The following MCTP1 variants were observed in gnomAD, a reference collection of about 807,000 sequenced individuals.
The protein encoded by MCTP1 is multiple C2 and transmembrane domain-containing protein 1.
Under a neutral mutation model 120.6 loss-of-function variants are expected in MCTP1, and 69 were observed. The ratio of observed to expected loss-of-function variants is 0.57; its 90% CI spans 0.47 to 0.70. MCTP1 has a LOEUF of 0.70. MCTP1 is among the 30% of genes least tolerant of loss of function. The pLI is 0.00. For missense variants in MCTP1, 1,203 were observed against 1,248.8 expected (o/e 0.96, Z 0.55); for synonymous variants, 529 against 493.1 (o/e 1.07, Z -0.96).
At chr5:94,714,669 C>A in intron 20 of MCTP1, 108 bp downstream of exon 20, 1 of 755,966 alleles carries the variant, frequency 1.3e-6, no homozygotes, top group Non-Finnish European at 2.4e-6. Context: ...AATAGAGCAC[C>A]CAGAAGGAGT....
intron 14 of MCTP1, 24 bp from the exon 15 acceptor site, chr5:94,870,997 C>CGTCT (rs769559112): frequency 6.3e-7 from 1 of 1,583,362 alleles, no homozygotes; most frequent in South Asian, 1.1e-5. Context: ...ACATGACAGC[C>CGTCT]GTCTGTCTCG....
At chr5:95,206,668 G>A (rs2152560920) in intron 1 of MCTP1, among the ~76,000 whole-genome samples, 1 of 152,214 alleles carries the variant, frequency 6.6e-6, no homozygotes, top group Non-Finnish European at 1.5e-5. Context: ...CTGAGTAGCT[G>A]GGACTTCAGG....
rs73133925 is a variant in MCTP1, at chr5:94,783,974, T to C, written c.2557-4811A>G. On this transcript the variant is annotated intron_variant, in intron 18 of 22. Transcript: ENST00000515393. ...GATGTTTTGCTATGTTCAAAATGAA[T>C]AGTTGCACAACTCAAATTGCTTTAC... 1.8e-3 allele frequency among the ~76,000 whole-genome samples: 273 copies of C among 152,212 alleles called. 1 individual carries two copies. Among genetic ancestry groups the C allele is most frequent in the African/African-American group, 6.4e-3 (264 of 41,570 alleles).
At chr5:94,912,655 TAC>T in intron 9 of MCTP1, 149 bp downstream of exon 9, 1 of 574,188 alleles carries the variant, frequency 1.7e-6, no homozygotes, top group South Asian at 3.9e-5. Context: ...AAAAATGCTA[TAC>T]AATTATTGGT....
chr5:94,752,111 ATATATATATATAT>A (rs1768548889), intron 19 of MCTP1, among the ~76,000 whole-genome samples: 2 of 27,780 alleles, frequency 7.2e-5, no homozygotes, highest in South Asian at 1.4e-3. Flanking sequence ...ATAATAAAAT[ATATATATATATAT>A]ATATATATAT....
At chr5:95,014,107 GA>G (rs1422482548) in intron 2 of MCTP1, among the ~76,000 whole-genome samples, 1 of 151,430 alleles carries the variant, frequency 6.6e-6, no homozygotes, top group Admixed American at 6.6e-5. Context: ...CCAAAAAAAA[GA>G]AAAAAAATAG....
At position 94,706,438 on chromosome 5, in the gene MCTP1, A is replaced by AGAATGATTT. The variant is rs1015511340; in HGVS notation, c.*1049_*1057dup. On this transcript the variant is annotated 3_prime_UTR_variant, in exon 23 of 23. Coordinates refer to ENST00000515393, the MANE Select transcript of MCTP1 (RefSeq NM_024717.7). Reference sequence around the variant, plus strand: ...CAAAACAGGTTTTCATGCATAATCAAGAATGATTTTTTTTAATAAATGAAT... The same window carrying AGAATGATTT: ...CAAAACAGGTTTTCATGCATAATCAAGAATGATTTGAATGATTTTTTTTAATAAATGAAT... The AGAATGATTT allele has an allele frequency of 4.2e-5, 6 of 143,772 alleles. No individual in the cohort carries two copies. Among genetic ancestry groups the AGAATGATTT allele is most frequent in the Non-Finnish European group, 4.6e-5 (3 of 65,016 alleles). 8.9% of individuals were successfully genotyped at this position (143,772 alleles called of 1,614,324 possible). A position where few individuals can be genotyped will look rare whatever the true frequency, so the allele number is the denominator to read the frequency against.
chr5:95,186,272 G>A (rs9654484), intron 1 of MCTP1, among the ~76,000 whole-genome samples: 2,103 of 140,264 alleles, frequency 0.015, 18 homozygotes, highest in Middle Eastern at 0.033. Flanking sequence ...AAAAAAAAAA[G>A]AAAAAAAAGA....
At chr5:95,210,782 C>A (rs1482663746) in intron 1 of MCTP1, among the ~76,000 whole-genome samples, 2 of 152,120 alleles carry the variant, frequency 1.3e-5, no homozygotes, top group Non-Finnish European at 1.5e-5. Context: ...ATGGTCTCTA[C>A]ATTTTGGCAT....
chr5:94,745,386 C>T (rs1766637569), intron 19 of MCTP1, among the ~76,000 whole-genome samples: 1 of 152,166 alleles, frequency 6.6e-6, no homozygotes, highest in African/African-American at 2.4e-5. Flanking sequence ...CACTTGTTTC[C>T]ATTTCTTCTG....
chr5:95,284,579 C>G lies in MCTP1; in HGVS notation c.-4G>C. The stretch of plus-strand genomic sequence containing the variant: ...CCGCGGCAGCCCGGGGCTCCATCCT[C>G]CACCCCCTGCTCCTCCTCTCCCCTC... On this transcript the variant is annotated 5_prime_UTR_variant, in exon 1 of 23. Transcript: ENST00000515393. The surrounding 1 kb of genome is among the most constrained non-coding windows in gnomAD (Gnocchi z 5.2). The G allele has an allele frequency of 1.4e-6, 2 of 1,422,990 alleles. No individual in the cohort carries two copies. The highest frequency in any genetic ancestry group is 1.8e-6 in the Non-Finnish European group (2 of 1,101,634). 88.1% of individuals were successfully genotyped at this position (1,422,990 alleles called of 1,614,324 possible).
At chr5:94,964,204 A>G (rs1387869419) in intron 2 of MCTP1, among the ~76,000 whole-genome samples, 1 of 152,142 alleles carries the variant, frequency 6.6e-6, no homozygotes, top group Non-Finnish European at 1.5e-5. Flanking sequence ...TTAGCTTCAT[A>G]TCACTGTGAT....
chr5:95,169,587 C>G (rs940664282), intron 1 of MCTP1, among the ~76,000 whole-genome samples: 1 of 152,088 alleles, frequency 6.6e-6, no homozygotes, highest in Non-Finnish European at 1.5e-5. Flanking sequence ...TGTTATTGGT[C>G]TATTCAGGAA....
intron 2 of MCTP1, among the ~76,000 whole-genome samples, chr5:94,967,900 T>C (rs909914821): frequency 6.6e-6 from 1 of 152,248 alleles, no homozygotes. Flanking sequence ...TACATTTCTC[T>C]TTCCAACCAT....
At chr5:94,968,729 T>C (rs957165486) in intron 2 of MCTP1, among the ~76,000 whole-genome samples, 1 of 152,232 alleles carries the variant, frequency 6.6e-6, no homozygotes, top group African/African-American at 2.4e-5. Flanking sequence ...AGGCCTGTGG[T>C]TCTGCTATTG....
rs145298441 is a variant in MCTP1 at position 94,718,483 on chromosome 5, G to C, written c.2611-3597C>G. Among the ~76,000 whole-genome samples, 641 of 152,108 alleles carry C rather than the reference G, an allele frequency of 4.2e-3. 3 individuals are homozygous for C. The highest frequency in any genetic ancestry group is 0.015 in the African/African-American group (613 of 41,544). ...CAAAAACTTCTAAAGCGAACATTTTGATTTGGTTGCAATGCAACCAAAGCA... is the reference window on the plus strand; with the variant it reads ...CAAAAACTTCTAAAGCGAACATTTTCATTTGGTTGCAATGCAACCAAAGCA... On this transcript the variant is annotated intron_variant, in intron 19 of 22. Transcript: ENST00000515393.
chr5:94,785,969 T>C (rs1444459895), intron 18 of MCTP1, among the ~76,000 whole-genome samples: 1 of 152,100 alleles, frequency 6.6e-6, no homozygotes, highest in Non-Finnish European at 1.5e-5. Context: ...TATGGAAATA[T>C]TGGAATATAT....
chr5:95,008,632 A>T (rs943212029), intron 2 of MCTP1, among the ~76,000 whole-genome samples: 1 of 152,202 alleles, frequency 6.6e-6, no homozygotes, highest in African/African-American at 2.4e-5. Flanking sequence ...CACTATGAAC[A>T]TAACCTTACT....
At chr5:94,837,949 C>T (rs966926672) in intron 17 of MCTP1, among the ~76,000 whole-genome samples, 3 of 152,326 alleles carry the variant, frequency 2.0e-5, no homozygotes, top group Middle Eastern at 6.8e-3. Context: ...GATATTTAGA[C>T]ATTACTTCAC....
Sources: gnomAD v4.1 joint callset for allele counts (sites outside exome capture counted in the v4.1 genomes callset) on GRCh38, gnomAD v4.1.1 for gene constraint, Gnocchi (gnomAD v3.1) non-coding constraint, MANE v1.5 for transcripts, NCBI Gene and HGNC (gene_info 2026-07-23, HGNC 2026-07-21) for gene names.